Variants in SAMD3 observed in about 807,000 individuals in gnomAD.
SAMD3 encodes the protein sterile alpha motif domain-containing protein 3.
In SAMD3, 63 loss-of-function variants were observed where a neutral mutation model predicts 58.5. That is an observed-to-expected ratio of 1.08 (90% confidence interval 0.88 to 1.33). SAMD3 has a LOEUF of 1.33. SAMD3 is among the 40% of genes most tolerant of loss of function. SAMD3 has a pLI of 0.00. For synonymous variants in SAMD3, 220 were observed against 210.3 expected, an observed-to-expected ratio of 1.05 and a Z score of -0.40; for missense variants, 604 against 608.4, an observed-to-expected ratio of 0.99 and a Z score of 0.08.
chr6:130,326,048 C>T (rs1035877774), intron 1 of SAMD3, among the ~76,000 whole-genome samples: 5 of 152,202 alleles, frequency 3.3e-5, no homozygotes, highest in African/African-American at 1.2e-4. Context: ...GTCCTTAAAA[C>T]TCAACGAATG....
chr6:130,220,092 C>T (rs1471459267), intron 1 of SAMD3, among the ~76,000 whole-genome samples: 2 of 152,176 alleles, frequency 1.3e-5, no homozygotes, highest in Non-Finnish European at 2.9e-5. Context: ...ACCTCCACCT[C>T]CCGGATTCAA....
intron 2 of SAMD3, among the ~76,000 whole-genome samples, chr6:130,278,230 G>A (rs1478047437): frequency 1.3e-5 from 2 of 152,142 alleles, no homozygotes; most frequent in Non-Finnish European, 2.9e-5. Flanking sequence ...GACTCCCTAT[G>A]ATTTCATCTC....
intron 2 of SAMD3, among the ~76,000 whole-genome samples, chr6:130,299,818 G>A (rs1775686076): frequency 6.6e-6 from 1 of 152,116 alleles, no homozygotes; most frequent in Admixed American, 6.5e-5. Context: ...GATCCTCAGA[G>A]ACTACTAGGA....
At chr6:130,167,678 A>G (rs1481159912) in intron 8 of SAMD3, among the ~76,000 whole-genome samples, 2 of 152,220 alleles carry the variant, frequency 1.3e-5, no homozygotes, top group African/African-American at 2.4e-5. Flanking sequence ...AGATTTATCA[A>G]TTCATGGGGC....
At chr6:130,210,990 T>G (rs1795499380) in intron 4 of SAMD3, among the ~76,000 whole-genome samples, 1 of 151,098 alleles carries the variant, frequency 6.6e-6, no homozygotes, top group African/African-American at 2.4e-5. Flanking sequence ...CATGGTGGCA[T>G]GTGCCTATAG....
chr6:130,145,301 G>T, intron 11 of SAMD3, 39 bp downstream of exon 11: 2 of 972,152 alleles, frequency 2.1e-6, no homozygotes, highest in Non-Finnish European at 3.0e-6. Flanking sequence ...GCATGAAGAT[G>T]TAAAATGTCA....
At chr6:130,234,916 C>G (rs763100699) in intron 2 of SAMD3, among the ~76,000 whole-genome samples, 1 of 152,196 alleles carries the variant, frequency 6.6e-6, no homozygotes, top group Non-Finnish European at 1.5e-5. Context: ...AGTTCGAGAA[C>G]AGTCTGGGCA....
At chr6:130,205,154 TA>T (rs10680576) in intron 5 of SAMD3, among the ~76,000 whole-genome samples, 11,924 of 138,078 alleles carry the variant, frequency 0.086, 525 homozygotes, top group South Asian at 0.15. Context: ...TTTGGCTCTG[TA>T]AAAAAAAAAA....
chr6:130,169,402 T>G (rs1791029797), intron 8 of SAMD3, among the ~76,000 whole-genome samples: 1 of 152,180 alleles, frequency 6.6e-6, no homozygotes, highest in Admixed American at 6.5e-5. Context: ...GGCTATAGTC[T>G]TCAAAGAATC....
At chr6:130,273,115 C>T (rs972227755) in intron 2 of SAMD3, among the ~76,000 whole-genome samples, 4 of 151,528 alleles carry the variant, frequency 2.6e-5, no homozygotes, top group Non-Finnish European at 4.4e-5. Context: ...TGACATGAAG[C>T]TTTTTATTAT....
At chr6:130,196,579 A>G (rs1794138974) in intron 5 of SAMD3, among the ~76,000 whole-genome samples, 1 of 152,246 alleles carries the variant, frequency 6.6e-6, no homozygotes, top group Admixed American at 6.5e-5. Context: ...ACAAGCCACT[A>G]GCCCGCCTCT....
intron 1 of SAMD3, among the ~76,000 whole-genome samples, chr6:130,313,858 A>C (rs1776270118): frequency 6.6e-6 from 1 of 152,214 alleles, no homozygotes; most frequent in Non-Finnish European, 1.5e-5. Context: ...GCAAGCTCAC[A>C]GTTCTGTTTT....
Sources: allele counts gnomAD v4.1 joint callset (sites outside exome capture counted in the v4.1 genomes callset), GRCh38; gene constraint gnomAD v4.1.1; transcripts MANE v1.5; gene names NCBI Gene and HGNC (gene_info 2026-07-23, HGNC 2026-07-21).